PTPRJ: variants seen among roughly 807,000 people sequenced by gnomAD.
PTPRJ encodes receptor-type tyrosine-protein phosphatase eta.
A neutral mutation model predicts 141.3 loss-of-function variants in PTPRJ; 129 were observed. The ratio of observed to expected loss-of-function variants is 0.91; its 90% CI spans 0.79 to 1.06. PTPRJ has a LOEUF of 1.06. Among genes scored for constraint, PTPRJ ranks in the 50% least tolerant of loss-of-function variants. The pLI is 0.00. For synonymous variants in PTPRJ, 610 were observed against 640.5 expected (o/e 0.95, Z 0.72); for missense variants, 1,601 against 1,679.7 (o/e 0.95, Z 0.82).
chr11:48,143,080 C>G (rs762595588), intron 12 of PTPRJ, 30 bp downstream of exon 12: 1 of 1,612,354 alleles, frequency 6.2e-7, no homozygotes, highest in African/African-American at 1.3e-5. Flanking sequence ...GGTTAAACAG[C>G]CCATGAGTGA....
At chr11:48,039,734 C>T (rs1298368683) in intron 1 of PTPRJ, among the ~76,000 whole-genome samples, 1 of 151,780 alleles carries the variant, frequency 6.6e-6, no homozygotes, top group Non-Finnish European at 1.5e-5. Flanking sequence ...TTTAGGGCTC[C>T]CACTGTTAAG....
chr11:48,144,778 A>C lies in PTPRJ; in HGVS notation c.2679A>C (p.Gly893=), dbSNP rs771371536. 6.2e-7 allele frequency: 1 copy of C among 1,614,186 alleles called. No homozygotes were observed. ...VTYLIRTEEK[G]RSQSLSEVLK... Reference sequence around the variant, plus strand: ...ACCTCATAAGAACAGAAGAAAAGGGACGTTCTCAGAGCTTGTCTGAAGTTT... The same window carrying C: ...ACCTCATAAGAACAGAAGAAAAGGGCCGTTCTCAGAGCTTGTCTGAAGTTT... Residue 893 remains glycine (G), a synonymous_variant, in exon 13 of 25, where the codon GGA becomes GGC. Transcript: ENST00000418331.
At chr11:48,054,158 A>C (rs1319910083) in intron 1 of PTPRJ, among the ~76,000 whole-genome samples, 1 of 151,906 alleles carries the variant, frequency 6.6e-6, no homozygotes, top group Non-Finnish European at 1.5e-5. Context: ...GGTCTTGAAC[A>C]CCTGACCTCA....
chr11:48,131,172 G>C (rs1856974205), intron 8 of PTPRJ, among the ~76,000 whole-genome samples: 1 of 146,516 alleles, frequency 6.8e-6, no homozygotes, highest in African/African-American at 2.5e-5. Context: ...CCATCTCCTG[G>C]GTTCAAGTGA....
At chr11:48,000,345 T>G (rs573866141) in intron 1 of PTPRJ, among the ~76,000 whole-genome samples, 2 of 150,934 alleles carry the variant, frequency 1.3e-5, no homozygotes, top group East Asian at 3.9e-4. Context: ...GGGGTCTCAC[T>G]ATGTTGCCAC....
At chr11:48,071,231 A>T (rs1855239756) in intron 1 of PTPRJ, among the ~76,000 whole-genome samples, 2 of 152,196 alleles carry the variant, frequency 1.3e-5, no homozygotes, top group Admixed American at 6.5e-5. Context: ...CCATTGATTG[A>T]ACTCTTTCTA....
In PTPRJ at chr11:48,130,701, G is replaced by A. The variant is rs919191584; in HGVS notation, c.1600G>A (p.Val534Ile). 1 of 1,610,532 alleles carries A rather than the reference G, an allele frequency of 6.2e-7. No homozygotes were observed. The highest frequency in any genetic ancestry group is 8.5e-7 in the Non-Finnish European group (1 of 1,177,726). ...TGGGACTGAAGGGGCATCTCGGACAGTTTGCAATAGAACTGGTAAGCAAAT... is the reference window on the plus strand; with the variant it reads ...TGGGACTGAAGGGGCATCTCGGACAATTTGCAATAGAACTGGTAAGCAAAT... ...PNGTEGASRT[V>I]CNRTVPSAVF... is the part of the protein sequence containing the mutation. The change falls in exon 8 of 25, where the codon GTT becomes ATT. Residue 534 changes from valine to isoleucine, a missense_variant. Val to Ile is a conservative substitution (Grantham distance 29). Coordinates refer to ENST00000418331, the MANE Select transcript of PTPRJ (RefSeq NM_002843.4).
intron 19 of PTPRJ, among the ~76,000 whole-genome samples, chr11:48,154,461 A>C (rs1857556388): frequency 6.6e-6 from 1 of 152,242 alleles, no homozygotes; most frequent in African/African-American, 2.4e-5. Flanking sequence ...TGAGTTTAAA[A>C]TAAGAATTAT....
chr11:48,088,847 G>C (rs1590486728), intron 1 of PTPRJ, among the ~76,000 whole-genome samples: 2 of 152,158 alleles, frequency 1.3e-5, no homozygotes, highest in East Asian at 3.9e-4. Context: ...TTGGCTCAGG[G>C]TGATGTTAGC....
rs765457377 is a variant in PTPRJ, at chr11:48,150,181, G to A, written c.3136G>A (p.Glu1046Lys). 18 of 1,613,138 alleles carry A rather than the reference G, an allele frequency of 1.1e-5. No homozygotes were observed. The highest frequency in any genetic ancestry group is 3.3e-5 in the South Asian group (3 of 90,984). The change falls in exon 18 of 25, where the codon GAA (glutamate) becomes AAA (lysine). Residue 1046 changes from glutamate (E) to lysine (K), a missense_variant and splice_region_variant. By Grantham distance (56) the Glu-to-Lys change is moderately conservative (BLOSUM62 1). Coordinates refer to ENST00000418331, the MANE Select transcript of PTPRJ (RefSeq NM_002843.4). ...CAACTGTGGGTTCGCAGAGGAATAC[G>A]AAGTATGTTGCTGTAAATACTGTTT... is the stretch of plus-strand genomic sequence containing the variant. The part of the protein sequence containing the change: ...DSNCGFAEEY[E>K]DLKLVGISQP...
chr11:48,077,813 C>G (rs1414374519), intron 1 of PTPRJ, among the ~76,000 whole-genome samples: 2 of 152,208 alleles, frequency 1.3e-5, no homozygotes, highest in Non-Finnish European at 2.9e-5. Context: ...TTTTCCCCAG[C>G]TGGTTGCTTT....
intron 1 of PTPRJ, among the ~76,000 whole-genome samples, chr11:48,040,699 T>C (rs2134235801): frequency 6.6e-6 from 1 of 151,552 alleles, no homozygotes; most frequent in Admixed American, 6.6e-5. Context: ...CCTCCTGGGT[T>C]CAAGCAATTC....
intron 1 of PTPRJ, among the ~76,000 whole-genome samples, chr11:48,027,069 A>T (rs2134219425): frequency 7.7e-6 from 1 of 129,380 alleles, no homozygotes; most frequent in Non-Finnish European, 1.5e-5. Flanking sequence ...CAGTGGCGCG[A>T]TCTCAGCTCA....
chr11:48,042,037 A>C (rs774493777), intron 1 of PTPRJ, among the ~76,000 whole-genome samples: 1 of 151,718 alleles, frequency 6.6e-6, no homozygotes, highest in Non-Finnish European at 1.5e-5. Context: ...TTCCTTCTCA[A>C]ATAGTTTGCA....
At chr11:48,052,575 C>T (rs1311872794) in intron 1 of PTPRJ, among the ~76,000 whole-genome samples, 4 of 152,086 alleles carry the variant, frequency 2.6e-5, no homozygotes, top group Admixed American at 6.5e-5. Flanking sequence ...TGAAGCCAGG[C>T]GAGACCAGAG....
At chr11:48,023,979 A>G (rs1853733772) in intron 1 of PTPRJ, among the ~76,000 whole-genome samples, 1 of 151,832 alleles carries the variant, frequency 6.6e-6, no homozygotes, top group African/African-American at 2.4e-5. Context: ...TTATCAGGAA[A>G]AGGAGATGGA....
rs189049783 is a variant in PTPRJ at position 48,090,538 on chromosome 11, G to A, written c.97-19520G>A. Among the ~76,000 whole-genome samples, 349 of 152,272 alleles carry A rather than the reference G, an allele frequency of 2.3e-3. 3 individuals are homozygous for A. Among genetic ancestry groups the A allele is most frequent in the Non-Finnish European group, 1.6e-3 (108 of 68,036 alleles). Reference sequence around the variant, plus strand: ...CGTGCAGCAGGATGGCACCTCTGTTGTCCTCCCAGACTAGCAGTAGGTACA... The same window carrying A: ...CGTGCAGCAGGATGGCACCTCTGTTATCCTCCCAGACTAGCAGTAGGTACA... On this transcript the variant is annotated intron_variant, in intron 1 of 24. Transcript: ENST00000418331.
rs1243700713 is a variant in PTPRJ at position 47,981,086 on chromosome 11, C to T, written c.96+78C>T. The T allele has an allele frequency of 6.8e-6, 8 of 1,181,294 alleles. No individual in the cohort carries two copies. In the African/African-American group the frequency reaches 1.3e-4, roughly 19 times the overall value. 73.2% of individuals were successfully genotyped at this position (1,181,294 alleles called of 1,614,324 possible). ...ATTGACTGCACCTGCCCGAGCGTAC[C>T]CCCCCGGGGGGTTCCGGGGAAGGGG... On this transcript the variant is annotated intron_variant, in intron 1 of 24. Transcript: ENST00000418331.
Position 48,117,540 on chromosome 11 carries a change from CAAAAAAAAAAAAAAAA to C in PTPRJ, c.353-3443_353-3428del, listed in dbSNP as rs71045545. On this transcript the variant is annotated intron_variant, in intron 3 of 24. Transcript: ENST00000418331. Reference sequence around the variant, plus strand: ...TGGGCAACAGAGCAAGATTCTGTCTCAAAAAAAAAAAAAAAAAAAAAAAAAAAAAAAAAAAGCAAGC... The same window carrying C: ...TGGGCAACAGAGCAAGATTCTGTCTCAAAAAAAAAAAAAAAAAAAGCAAGC... 5.6e-4 allele frequency among the ~76,000 whole-genome samples: 11 copies of C among 19,696 alleles called. No individual in the cohort carries two copies. In the East Asian group the frequency reaches 0.011, roughly 19 times the overall value. The allele number at this position is 19,696 out of a possible 152,430, so 12.9% of individuals were successfully genotyped here. A position where few individuals can be genotyped will look rare whatever the true frequency, so the allele number is the denominator to read the frequency against.
Sources: gnomAD v4.1 joint callset for allele counts (sites outside exome capture counted in the v4.1 genomes callset) on GRCh38, gnomAD v4.1.1 for gene constraint, MANE v1.5 for transcripts, NCBI Gene and HGNC (gene_info 2026-07-23, HGNC 2026-07-21) for gene names.